QRICH2: variants seen among roughly 807,000 people sequenced by gnomAD.
QRICH2 encodes glutamine rich 2.
A neutral mutation model predicts 168.3 loss-of-function variants in QRICH2; 119 were observed. The observed-to-expected ratio is 0.71, with a 90% CI of 0.61 to 0.82. The LOEUF (loss-of-function observed/expected upper bound fraction) is 0.82, where lower values mean the gene tolerates loss of function less well. QRICH2 is among the 40% of genes least tolerant of loss of function. QRICH2 has a pLI of 0.00. For missense variants in QRICH2, 2,241 were observed against 2,491.6 expected (o/e 0.90, Z 2.14); for synonymous variants, 894 against 951.2 (o/e 0.94, Z 1.11).
intron 1 of QRICH2, 60 bp from the exon 2 acceptor site, chr17:76,305,001 G>GCA (rs1320816733): frequency 2.0e-4 from 215 of 1,077,390 alleles, no homozygotes; most frequent in Non-Finnish European, 2.6e-4. Flanking sequence ...ACACTCACAT[G>GCA]CACACACACA....
At chr17:76,297,388 T>A (rs2070813861) in intron 3 of QRICH2, among the ~76,000 whole-genome samples, 1 of 151,954 alleles carries the variant, frequency 6.6e-6, no homozygotes, top group Non-Finnish European at 1.5e-5. Context: ...ACACCTGTAA[T>A]CCCAGCTACT....
At position 76,293,205 on chromosome 17, in the gene QRICH2, G is replaced by C. The variant is rs1266767401; in HGVS notation, c.1522C>G (p.Pro508Ala). The C allele has an allele frequency of 6.2e-7, 1 of 1,614,092 alleles. No individual in the cohort carries two copies. The highest frequency in any genetic ancestry group is 1.1e-5 in the South Asian group (1 of 91,082). Residue 508 changes from proline to alanine, a missense_variant, in exon 4 of 19, where the codon CCT becomes GCT. Pro to Ala is a conservative substitution (Grantham distance 27). Transcript: ENST00000680821. ...SGMGQQGLVPPGIDQQGLTLP... is the reference protein window; with the variant it reads ...SGMGQQGLVPAGIDQQGLTLP... ...GTCAATCCTTGCTGGTCTATACCAG[G>C]GGGTACTAGTCCTTGCTGACCCATG... is the stretch of plus-strand genomic sequence containing the variant.
upstream of QRICH2, among the ~76,000 whole-genome samples, chr17:76,309,281 G>A (rs1300335646): frequency 6.7e-6 from 1 of 150,216 alleles, no homozygotes; most frequent in Non-Finnish European, 1.5e-5. Context: ...GCGTCAACCC[G>A]GGAGGCAGAG....
intron 6 of QRICH2, among the ~76,000 whole-genome samples, chr17:76,287,527 C>T (rs78568150): frequency 0.034 from 5,125 of 152,184 alleles, 307 homozygotes; most frequent in African/African-American, 0.12. Flanking sequence ...TCAGAGGGGC[C>T]GTCAGAAGTT....
At chr17:76,284,955 TATA>T (rs1033100305) in intron 7 of QRICH2, among the ~76,000 whole-genome samples, 1 of 151,568 alleles carries the variant, frequency 6.6e-6, no homozygotes, top group African/African-American at 2.4e-5. Flanking sequence ...CTAAAGTGGC[TATA>T]ATTTTTTTTT....
At chr17:76,299,251 A>G (rs1046971410) in intron 3 of QRICH2, among the ~76,000 whole-genome samples, 2 of 152,126 alleles carry the variant, frequency 1.3e-5, no homozygotes, top group Non-Finnish European at 2.9e-5. Context: ...GTGGGTTATC[A>G]AAACAAGCAA....
In QRICH2 at chr17:76,291,745, G is replaced by T. The variant is rs1331594085; in HGVS notation, c.2982C>A (p.Phe994Leu). ...ATATAAAACCTGTAGAATCTGCCTG[G>T]AATGTTGAAGAGCCACGAAGCTTTG... Reference protein sequence around the residue: ...PGTKLRGSSTFQADSTGFISV... With the variant: ...PGTKLRGSSTLQADSTGFISV... Residue 994 changes from phenylalanine (F) to leucine (L), a missense_variant, in exon 4 of 19, where the codon TTC becomes TTA. Transcript: ENST00000680821. 8.7e-6 allele frequency: 14 copies of T among 1,614,062 alleles called. No individual in the cohort carries two copies. Among genetic ancestry groups the T allele is most frequent in the Non-Finnish European group, 1.2e-5 (14 of 1,180,036 alleles).
At position 76,298,181 on chromosome 17, in the gene QRICH2, A is replaced by ATTTTTTTTTTT. The variant is rs1244588706; in HGVS notation, c.706-4171_706-4161dup. On this transcript the variant is annotated intron_variant, in intron 3 of 18. Transcript: ENST00000680821. Reference sequence around the variant, plus strand: ...GCCACGCTGCCTGGCTTTCTGGCTAATTTTTTTTTTTTTTTTTTTTGAGAC... The same window carrying ATTTTTTTTTTT: ...GCCACGCTGCCTGGCTTTCTGGCTAATTTTTTTTTTTTTTTTTTTTTTTTTTTTTTTGAGAC... 2.5e-4 allele frequency among the ~76,000 whole-genome samples: 21 copies of ATTTTTTTTTTT among 84,246 alleles called. 3 individuals carry two copies. The highest frequency in any genetic ancestry group is 1.0e-3 in the African/African-American group (19 of 18,542). The allele number at this position is 84,246 out of a possible 152,430, so 55.3% of individuals were successfully genotyped here.
chr17:76,275,701 C>T (rs891418819), intron 18 of QRICH2, 118 bp downstream of exon 18: 8 of 1,316,208 alleles, frequency 6.1e-6, no homozygotes, highest in African/African-American at 3.0e-5. Context: ...CCCATCCCCC[C>T]CTTCGGCTCC....
chr17:76,278,824 C>G (rs2070735319), intron 14 of QRICH2, among the ~76,000 whole-genome samples: 1 of 152,254 alleles, frequency 6.6e-6, no homozygotes, highest in African/African-American at 2.4e-5. Flanking sequence ...GGTCTGCCTC[C>G]TACGCTCATG....
In QRICH2 at chr17:76,292,167, G is replaced by C. The variant is rs759694049; in HGVS notation, c.2560C>G (p.Pro854Ala). ...ACCAAACCACGCTGATCTGCACCAG[G>C]TTGGACCAAACCATGCTGAACTGCA... is the stretch of plus-strand genomic sequence containing the variant. ...PGAVQHGLVQ[P>A]GADQRGLVQP... Residue 854 changes from proline (P) to alanine (A), a missense_variant, in exon 4 of 19, where the codon CCT (proline) becomes GCT (alanine). By Grantham distance (27) the Pro-to-Ala change is conservative. This residue lies in a region of QRICH2 where 2,047 missense variants were observed against 2,303.8 expected (regional missense o/e 0.89). Transcript: ENST00000680821. 6.0e-6 allele frequency: 9 copies of C among 1,495,288 alleles called. No individual in the cohort carries two copies. The highest frequency in any genetic ancestry group is 8.1e-6 in the Non-Finnish European group (9 of 1,108,470). The allele number at this position is 1,495,288 out of a possible 1,614,324, so 92.6% of individuals were successfully genotyped here. A position where few individuals can be genotyped will look rare whatever the true frequency, so the allele number is the denominator to read the frequency against.
chr17:76,277,805 CAT>C lies in QRICH2; in HGVS notation c.5117+182_5117+183del, dbSNP rs1389062387. 5.9e-5 allele frequency among the ~76,000 whole-genome samples: 9 copies of C among 152,148 alleles called. No individual in the cohort carries two copies. In the East Asian group the frequency reaches 1.7e-3, roughly 29 times the overall value. ...ACACACACTCATACATTGACACACCCATAGACACATGGCTTACACACATCACA... is the reference window on the plus strand; with the variant it reads ...ACACACACTCATACATTGACACACCCAGACACATGGCTTACACACATCACA... On this transcript the variant is annotated intron_variant, in intron 15 of 18. Coordinates refer to ENST00000680821, the MANE Select transcript of QRICH2 (RefSeq NM_001388453.1).
chr17:76,274,814 G>A (rs1424253891), intron 18 of QRICH2, among the ~76,000 whole-genome samples: 4 of 152,242 alleles, frequency 2.6e-5, no homozygotes, highest in Admixed American at 2.6e-4. Context: ...GTGTGACCTA[G>A]AGCAAGGACC....
chr17:76,308,511 G>T (rs979025129), upstream of QRICH2: 1 of 985,008 alleles, frequency 1.0e-6, no homozygotes, highest in African/African-American at 1.7e-5. Flanking sequence ...AGGGTTTCCT[G>T]GCAACCATGC....
At chr17:76,278,882 C>T (rs1294390748) in intron 14 of QRICH2, among the ~76,000 whole-genome samples, 159 bp downstream of exon 14, 1 of 152,378 alleles carries the variant, frequency 6.6e-6, no homozygotes, top group Non-Finnish European at 1.5e-5. Flanking sequence ...CTGCGGCCCC[C>T]ACTGTCCCAT....
chr17:76,304,838 C>A, intron 2 of QRICH2, 44 bp downstream of exon 2: 1 of 1,421,972 alleles, frequency 7.0e-7, no homozygotes, highest in Non-Finnish European at 9.9e-7. Flanking sequence ...GAGAGACGGC[C>A]AGCCCCCTGG....
chr17:76,309,471 A>C (rs1157489063), upstream of QRICH2: 1 of 152,174 alleles, frequency 6.6e-6, no homozygotes, highest in Non-Finnish European at 1.5e-5. Flanking sequence ...AACAATTGAG[A>C]CATGACTTCC....
Position 76,292,650 on chromosome 17 carries a change from G to C in QRICH2, c.2077C>G (p.Pro693Ala), listed in dbSNP as rs541767443. The C allele has an allele frequency of 3.7e-6, 6 of 1,614,076 alleles. No homozygotes were observed. In the Admixed American group the frequency reaches 1.0e-4, roughly 27 times the overall value. The change falls in exon 4 of 19, where the codon CCT becomes GCT. Residue 693 changes from proline (P) to alanine (A), a missense_variant. By Grantham distance (27) the Pro-to-Ala change is conservative. Coordinates refer to ENST00000680821, the MANE Select transcript of QRICH2 (RefSeq NM_001388453.1). ...PGAYQPGLVQ[P>A]GADQIDVVQP... The stretch of plus-strand genomic sequence containing the variant: ...ACCACATCAATCTGATCTGCACCAG[G>C]TTGGACCAAGCCAGGCTGATATGCA...
At chr17:76,296,154 C>T (rs181932594) in intron 3 of QRICH2, among the ~76,000 whole-genome samples, 5 of 152,032 alleles carry the variant, frequency 3.3e-5, no homozygotes, top group African/African-American at 9.6e-5. Flanking sequence ...ACCCAGAAGT[C>T]GGAGGTTGCA....
Sources: gnomAD v4.1 joint callset for allele counts (sites outside exome capture counted in the v4.1 genomes callset) on GRCh38, gnomAD v4.1.1 for gene constraint, gnomAD v4.1.1 regional missense constraint, MANE v1.5 for transcripts, NCBI Gene and HGNC (gene_info 2026-07-23, HGNC 2026-07-21) for gene names.